SH3TC2: variants seen among roughly 807,000 people sequenced by gnomAD.
SH3TC2 encodes the protein SH3 domain and tetratricopeptide repeat-containing protein 2.
A neutral mutation model predicts 124.5 loss-of-function variants in SH3TC2; 87 were observed. The ratio of observed to expected loss-of-function variants is 0.70; its 90% confidence interval spans 0.59 to 0.84. SH3TC2 has a LOEUF of 0.84. Ranked by LOEUF, SH3TC2 falls within the 40% of genes least tolerant of loss-of-function variation. SH3TC2 has a pLI of 0.00. For missense variants in SH3TC2, 1,536 were observed against 1,566.4 expected, an observed-to-expected ratio of 0.98 and a Z score of 0.33; for synonymous variants, 634 against 628.5, an observed-to-expected ratio of 1.01 and a Z score of -0.13.
Position 149,027,447 on chromosome 5 carries a change from A to T in SH3TC2, c.2285T>A (p.Ile762Asn), listed in dbSNP as rs751351645. 2 of 1,614,158 alleles carry T rather than the reference A, an allele frequency of 1.2e-6. No individual in the cohort carries two copies. The highest frequency in any genetic ancestry group is 1.7e-6 in the Non-Finnish European group (2 of 1,180,050). ...DRSTQRALCL[I>N]LSKVYLEHRS... ...GTGCTCGAGGTACACTTTGGAAAGG[A>T]TGAGACACAGGGCCCTCTGGGTGCT... Residue 762 changes from isoleucine to asparagine, a missense_variant, in exon 11 of 17, where the codon ATC (isoleucine) becomes AAC (asparagine). Physicochemically the swap from Ile to Asn is moderately radical, Grantham distance 149. Around this residue, in one of 3 missense-constraint regions of SH3TC2, gnomAD observed 1,102 missense variants for 1,098.6 expected, o/e 1.00. Transcript: ENST00000515425.
Position 148,992,297 on chromosome 5 carries a change from T to A in SH3TC2, c.*12414A>T, listed in dbSNP as rs1319552048. Among the ~76,000 whole-genome samples the A allele has an allele frequency of 6.6e-6, 1 of 152,226 alleles. No homozygotes were observed. Among genetic ancestry groups the A allele is most frequent in the Admixed American group, 6.5e-5 (1 of 15,290 alleles). On this transcript the variant is annotated 3_prime_UTR_variant, in exon 17 of 17. Transcript: ENST00000515425. ...TCCCAAGGTTTATGCTCTTAACCATTCATAATATTAATGAAAACACTAAGA... is the reference window on the plus strand; with the variant it reads ...TCCCAAGGTTTATGCTCTTAACCATACATAATATTAATGAAAACACTAAGA...
intron 8 of SH3TC2, 71 bp from the exon 9 acceptor site, chr5:149,031,758 A>C: frequency 6.3e-7 from 1 of 1,592,982 alleles, no homozygotes; most frequent in South Asian, 1.1e-5. Context: ...TTCTCTCCAC[A>C]CTAGGATGTA....
At chr5:149,050,196 C>A (rs1049840530) in intron 2 of SH3TC2, among the ~76,000 whole-genome samples, 5 of 152,198 alleles carry the variant, frequency 3.3e-5, no homozygotes, top group Middle Eastern at 3.2e-3. Flanking sequence ...TAGAGCAGAA[C>A]CCCTGTGCCC....
rs999833388 is a variant in SH3TC2, at chr5:149,059,097, G to A, written c.52+3874C>T. On this transcript the variant is annotated intron_variant, in intron 1 of 16. Coordinates refer to ENST00000515425, the MANE Select transcript of SH3TC2 (RefSeq NM_024577.4). The stretch of plus-strand genomic sequence containing the variant: ...TATTGAATATGAGGGATAAACATGG[G>A]GAAGAGGCAAGAATTGCAGAAAATG... Among the ~76,000 whole-genome samples the A allele has an allele frequency of 6.4e-4, 97 of 152,138 alleles. 1 individual carries two copies. The highest frequency in any genetic ancestry group is 2.2e-3 in the African/African-American group (90 of 41,504).
intron 7 of SH3TC2, among the ~76,000 whole-genome samples, chr5:149,040,035 G>A (rs977723807): frequency 6.6e-5 from 10 of 152,144 alleles, no homozygotes; most frequent in Non-Finnish European, 1.3e-4. Context: ...TCATTATCCA[G>A]TAGATATGGA....
chr5:148,987,976 C>A lies in SH3TC2; in HGVS notation c.*16735G>T, dbSNP rs1330901994. On this transcript the variant is annotated 3_prime_UTR_variant, in exon 17 of 17. Transcript: ENST00000515425. ...CTTTGGCCACTTCTCCAGATACCCA[C>A]AAGGAAGTGCCGAGAATGCTGTTGC... Among the ~76,000 whole-genome samples the A allele has an allele frequency of 6.6e-6, 1 of 152,126 alleles. No individual in the cohort carries two copies. Among genetic ancestry groups the A allele is most frequent in the Non-Finnish European group, 1.5e-5 (1 of 68,020 alleles).
Position 148,987,519 on chromosome 5 carries a change from G to A in SH3TC2, c.*17192C>T, listed in dbSNP as rs886060104. On this transcript the variant is annotated 3_prime_UTR_variant, in exon 17 of 17. Transcript: ENST00000515425. ...TTCTATCCCACAGCAGACCTGCATG[G>A]TCTTTACATCTATAGTCTTGGGCAT... Among the ~76,000 whole-genome samples, 11 of 152,336 alleles carry A rather than the reference G, an allele frequency of 7.2e-5. No individual in the cohort carries two copies. The highest frequency in any genetic ancestry group is 3.4e-3 in the Middle Eastern group (1 of 294).
Position 149,026,601 on chromosome 5 carries a change from C to A in SH3TC2, c.3024G>T (p.Gly1008=), listed in dbSNP as rs771710493. 1 of 1,614,182 alleles carries A rather than the reference C, an allele frequency of 6.2e-7. No individual in the cohort carries two copies. Among genetic ancestry groups the A allele is most frequent in the Non-Finnish European group, 8.5e-7 (1 of 1,180,038 alleles). The change falls in exon 12 of 17, where the codon GGG becomes GGT. Residue 1008 remains glycine, a synonymous_variant. Transcript: ENST00000515425. ...EMEGRLLESL[G]QLYRNLNTAR... Reference sequence around the variant, plus strand: ...CGGTATTTAGGTTCCGATAAAGCTGCCCCAGGGACTCCAGCAGCCTCCCTT... The same window carrying A: ...CGGTATTTAGGTTCCGATAAAGCTGACCCAGGGACTCCAGCAGCCTCCCTT...
rs780060168 is a variant in SH3TC2, at chr5:149,012,608, G to A, written c.3180C>T (p.Asp1060=). 49 of 1,614,102 alleles carry A rather than the reference G, an allele frequency of 3.0e-5. No individual in the cohort carries two copies. The highest frequency in any genetic ancestry group is 1.2e-4 in the African/African-American group (9 of 75,010). ...AGRLHYLMQE[D]ELVELCLQAA... The stretch of plus-strand genomic sequence containing the variant: ...CCTGCAGGCACAGCTCCACCAGCTC[G>A]TCTTCCTGCATGAGGTAGTGGAGTC... The change falls in exon 13 of 17, where the codon GAC becomes GAT. Residue 1060 remains aspartate (D), a synonymous_variant. Transcript: ENST00000515425.
At chr5:149,035,980 C>T (rs1056619329) in intron 8 of SH3TC2, 8 of 152,330 alleles carry the variant, frequency 5.3e-5, no homozygotes, top group African/African-American at 1.4e-4. Flanking sequence ...ACGGCAATGA[C>T]ACAAACAACA....
At chr5:149,057,808 G>A (rs1213531324) in intron 1 of SH3TC2, among the ~76,000 whole-genome samples, 1 of 152,192 alleles carries the variant, frequency 6.6e-6, no homozygotes, top group East Asian at 1.9e-4. Context: ...TGTGAACCCA[G>A]TCTATGTAGT....
At chr5:149,053,617 G>A (rs1383590172) in intron 1 of SH3TC2, among the ~76,000 whole-genome samples, 1 of 152,210 alleles carries the variant, frequency 6.6e-6, no homozygotes, top group Non-Finnish European at 1.5e-5. Flanking sequence ...GCACTGGCTT[G>A]GGAATAATGA....
chr5:149,031,752 C>G, intron 8 of SH3TC2, 65 bp from the exon 9 acceptor site: 1 of 1,606,662 alleles, frequency 6.2e-7, no homozygotes, highest in Non-Finnish European at 8.5e-7. Context: ...CTCCTCTTCT[C>G]TCCACACTAG....
intron 3 of SH3TC2, 58 bp from the exon 4 acceptor site, chr5:149,044,696 T>G: frequency 7.6e-7 from 1 of 1,314,800 alleles, no homozygotes; most frequent in Middle Eastern, 1.8e-4. Context: ...ATTAGCAAGC[T>G]CTTATATAGA....
intron 9 of SH3TC2, among the ~76,000 whole-genome samples, chr5:149,029,694 G>A (rs1488657545): frequency 6.6e-6 from 1 of 152,060 alleles, no homozygotes; most frequent in Non-Finnish European, 1.5e-5. Context: ...AGGCCAAGGT[G>A]ACTTAAAACA....
At chr5:149,006,741 C>T in intron 16 of SH3TC2, 140 bp downstream of exon 16, 3 of 889,226 alleles carry the variant, frequency 3.4e-6, no homozygotes, top group Non-Finnish European at 3.8e-6. Context: ...AAAGCCACTC[C>T]TCACCCTATG....
At chr5:149,058,604 C>T (rs1229585399) in intron 1 of SH3TC2, among the ~76,000 whole-genome samples, 1 of 151,536 alleles carries the variant, frequency 6.6e-6, no homozygotes, top group Non-Finnish European at 1.5e-5. Flanking sequence ...GATATTACTC[C>T]CCAGTTGATG....
At chr5:149,046,472 C>A (rs978343621) in intron 3 of SH3TC2, 5 of 152,306 alleles carry the variant, frequency 3.3e-5, no homozygotes, top group Middle Eastern at 3.4e-3. Context: ...CATTTGTTTT[C>A]TTTCTTGGAA....
chr5:149,048,250 C>G (rs947567732), intron 2 of SH3TC2, among the ~76,000 whole-genome samples: 1 of 152,126 alleles, frequency 6.6e-6, no homozygotes, highest in Non-Finnish European at 1.5e-5. Context: ...CTGCTTTGTA[C>G]GGGGTTTATT....
Sources: gnomAD v4.1 joint callset for allele counts (sites outside exome capture counted in the v4.1 genomes callset) on GRCh38, gnomAD v4.1.1 for gene constraint, gnomAD v4.1.1 regional missense constraint, MANE v1.5 for transcripts, NCBI Gene and HGNC (gene_info 2026-07-23, HGNC 2026-07-21) for gene names.